Variants in NUS1 observed in about 807,000 individuals in gnomAD.
The protein encoded by NUS1 is dehydrodolichyl diphosphate synthase complex subunit NUS1.
For missense variants in NUS1, 292 were observed against 382.9 expected (o/e 0.76, Z 1.98); for synonymous variants, 135 against 155.2 (o/e 0.87, Z 0.97).
chr6:117,695,220 A>G (rs1376668573), intron 3 of NUS1, among the ~76,000 whole-genome samples: 1 of 149,362 alleles, frequency 6.7e-6, no homozygotes, highest in Admixed American at 6.7e-5. Context: ...AAAAAAAAAA[A>G]AGAAAAAGAA....
intron 1 of NUS1, among the ~76,000 whole-genome samples, chr6:117,691,560 T>TAG (rs1189235880): frequency 6.5e-4 from 4 of 6,170 alleles, no homozygotes; most frequent in Admixed American, 1.6e-3. Flanking sequence ...TAGATATAGA[T>TAG]ATATATATAT....
chr6:117,689,923 A>C (rs1773192403), intron 1 of NUS1, among the ~76,000 whole-genome samples: 1 of 152,220 alleles, frequency 6.6e-6, no homozygotes, highest in African/African-American at 2.4e-5. Flanking sequence ...TTATACATAT[A>C]ATACAGACCA....
intron 1 of NUS1, among the ~76,000 whole-genome samples, chr6:117,683,165 T>C (rs12530100): frequency 0.045 from 6,852 of 152,230 alleles, 402 homozygotes; most frequent in East Asian, 0.27. Context: ...GATTGTTCAT[T>C]TTACATATCT....
intron 1 of NUS1, among the ~76,000 whole-genome samples, chr6:117,689,133 T>G (rs746052836): frequency 3.9e-5 from 6 of 152,106 alleles, no homozygotes; most frequent in Non-Finnish European, 5.9e-5. Flanking sequence ...TGAGACAAGT[T>G]GGGATAAAGA....
In NUS1 at chr6:117,703,521, T is replaced by A. The variant is rs1005688381; in HGVS notation, c.692-84T>A. On this transcript the variant is annotated intron_variant, in intron 3 of 4. Coordinates refer to ENST00000368494, the MANE Select transcript of NUS1 (RefSeq NM_138459.5). ...AAAGAACCAATTTGATTAATACATT[T>A]TGCCCATGATCTGTGTGTTTCTGTG... 7.2e-6 allele frequency: 7 copies of A among 970,726 alleles called. No homozygotes were observed. In the Middle Eastern group the frequency reaches 7.8e-4, roughly 108 times the overall value. 60.1% of individuals were successfully genotyped at this position (970,726 alleles called of 1,614,324 possible).
intron 1 of NUS1, among the ~76,000 whole-genome samples, chr6:117,683,265 C>G (rs1773088521): frequency 6.6e-6 from 1 of 152,192 alleles, no homozygotes; most frequent in Non-Finnish European, 1.5e-5. Flanking sequence ...TACTACAGCA[C>G]TGCAGTATAA....
chr6:117,698,194 G>A (rs1293766041), intron 3 of NUS1, among the ~76,000 whole-genome samples: 1 of 151,806 alleles, frequency 6.6e-6, no homozygotes, highest in Non-Finnish European at 1.5e-5. Flanking sequence ...GAGCAGAAAT[G>A]AATGAATTTG....
chr6:117,700,085 A>G (rs1773384899), intron 3 of NUS1, among the ~76,000 whole-genome samples: 1 of 152,220 alleles, frequency 6.6e-6, no homozygotes, highest in Non-Finnish European at 1.5e-5. Context: ...GCTCTCTAGG[A>G]CATTGAACTG....
chr6:117,689,511 T>TTATTAACTCCATACAAGTTTATTAAA (rs1302002835), intron 1 of NUS1, among the ~76,000 whole-genome samples: 1 of 152,138 alleles, frequency 6.6e-6, no homozygotes, highest in African/African-American at 2.4e-5. Context: ...ACTTGTATGT[T>TTATTAACTCCATACAAGTTTATTAAA]CTGGCTGGAG....
intron 1 of NUS1, among the ~76,000 whole-genome samples, chr6:117,682,711 TA>T (rs1393243416): frequency 6.6e-6 from 1 of 152,228 alleles, no homozygotes; most frequent in Non-Finnish European, 1.5e-5. Context: ...GTTTTACAGA[TA>T]AACTGAGATT....
At position 117,693,109 on chromosome 6, in the gene NUS1, C is replaced by A. The variant is rs749059791; in HGVS notation, c.483C>A (p.Gly161=). ...TAAAACAACAGCAAGAACTTCTGGG[C>A]CTAGATTGTTCAAAATACTCACCAG... The part of the protein sequence containing the change: ...EILKQQQELL[G]LDCSKYSPEF... The change falls in exon 2 of 5, where the codon GGC becomes GGA. Residue 161 remains glycine, a synonymous_variant. Coordinates refer to ENST00000368494, the MANE Select transcript of NUS1 (RefSeq NM_138459.5). The A allele has an allele frequency of 8.1e-6, 13 of 1,611,212 alleles. No individual in the cohort carries two copies. In the African/African-American group the frequency reaches 1.6e-4, roughly 20 times the overall value.
At chr6:117,678,200 G>A (rs188349858) in intron 1 of NUS1, among the ~76,000 whole-genome samples, 18 of 152,362 alleles carry the variant, frequency 1.2e-4, no homozygotes, top group Non-Finnish European at 2.4e-4. Context: ...AGCATTTTCA[G>A]TGAAAGGGCT....
At position 117,707,167 on chromosome 6, in the gene NUS1, G is replaced by C; in HGVS notation, c.*152G>C. 1.5e-6 allele frequency: 1 copy of C among 669,644 alleles called. No homozygotes were observed. Among genetic ancestry groups the C allele is most frequent in the Admixed American group, 2.3e-5 (1 of 44,164 alleles). 41.5% of individuals were successfully genotyped at this position (669,644 alleles called of 1,614,324 possible). A position where few individuals can be genotyped will look rare whatever the true frequency, so the allele number is the denominator to read the frequency against. On this transcript the variant is annotated 3_prime_UTR_variant, in exon 5 of 5. Coordinates refer to ENST00000368494, the MANE Select transcript of NUS1 (RefSeq NM_138459.5). ...ACACAAAAAAGTGTCTTACTTGAGA[G>C]TGAGTGTGTGTGTGTGCGTGTGCAC... is the stretch of plus-strand genomic sequence containing the variant.
At chr6:117,700,340 G>A (rs73511219) in intron 3 of NUS1, among the ~76,000 whole-genome samples, 51 of 152,288 alleles carry the variant, frequency 3.3e-4, no homozygotes, top group African/African-American at 1.2e-3. Flanking sequence ...GATCTGAATA[G>A]ATATTTCTCA....
At chr6:117,687,350 T>C (rs558346862) in intron 1 of NUS1, among the ~76,000 whole-genome samples, 23 of 152,218 alleles carry the variant, frequency 1.5e-4, no homozygotes, top group Middle Eastern at 3.4e-3. Flanking sequence ...ATATGGAAAA[T>C]ATGGGAAAAG....
chr6:117,676,788 T>G (rs1722486812), intron 1 of NUS1, among the ~76,000 whole-genome samples: 1 of 152,204 alleles, frequency 6.6e-6, no homozygotes, highest in Admixed American at 6.5e-5. Context: ...TCTTTGCCTT[T>G]GGTTACACCA....
rs1279878128 is a variant in NUS1 at position 117,694,116 on chromosome 6, G to A, written c.627G>A (p.Gln209=). ...DIVRAAQDFC[Q]LVAQKQKRPT... The stretch of plus-strand genomic sequence containing the variant: ...TAAGAGCTGCTCAGGACTTTTGCCA[G>A]TTAGTAGCCCAGAAGCAAAAGAGAC... The change falls in exon 3 of 5, where the codon CAG becomes CAA. Residue 209 remains glutamine, a synonymous_variant. Transcript: ENST00000368494. 1.2e-6 allele frequency: 2 copies of A among 1,612,742 alleles called. No homozygotes were observed. Among genetic ancestry groups the A allele is most frequent in the South Asian group, 1.1e-5 (1 of 90,982 alleles).
intron 3 of NUS1, among the ~76,000 whole-genome samples, chr6:117,695,211 A>AGG (rs1347149312): frequency 6.6e-6 from 1 of 151,294 alleles, no homozygotes; most frequent in African/African-American, 2.4e-5. Context: ...AAAAAAAAAA[A>AGG]AAAAAAAAAA....
intron 3 of NUS1, among the ~76,000 whole-genome samples, chr6:117,698,675 C>G (rs182396506): frequency 6.6e-6 from 1 of 152,028 alleles, no homozygotes; most frequent in Non-Finnish European, 1.5e-5. Flanking sequence ...TTTTGTGAAG[C>G]TAGTATTACC....
Sources: gnomAD v4.1 joint callset for allele counts (sites outside exome capture counted in the v4.1 genomes callset) on GRCh38, gnomAD v4.1.1 for gene constraint, MANE v1.5 for transcripts, NCBI Gene and HGNC (gene_info 2026-07-23, HGNC 2026-07-21) for gene names.